RBFOX1: variants seen among roughly 807,000 people sequenced by gnomAD.
RBFOX1 encodes the protein RNA binding fox-1 homolog 1, also known as RNA binding protein fox-1 homolog 1.
A neutral mutation model predicts 57.7 loss-of-function variants in RBFOX1; 8 were observed. The observed-to-expected ratio is 0.14, with a 90% confidence interval of 0.08 to 0.25. The LOEUF is 0.25. Ranked by LOEUF, RBFOX1 falls within the 10% of genes least tolerant of loss-of-function variation. The probability of loss-of-function intolerance (pLI) is 1.00; values close to 1 mark genes in which losing one functional copy is unlikely to be tolerated. For missense variants in RBFOX1, 611 were observed against 548.5 expected (o/e 1.11, Z -1.14); for synonymous variants, 326 against 222.4 (o/e 1.47, Z -4.15).
intron 3 of RBFOX1, among the ~76,000 whole-genome samples, chr16:6,887,911 C>T (rs1172384021): frequency 2.6e-5 from 4 of 152,148 alleles, no homozygotes; most frequent in Non-Finnish European, 5.9e-5. Flanking sequence ...ATCCACCCGT[C>T]ATGGCCTCCC....
intron 1 of RBFOX1, among the ~76,000 whole-genome samples, chr16:5,363,513 C>T (rs2065613542): frequency 6.6e-6 from 1 of 152,186 alleles, no homozygotes; most frequent in Admixed American, 6.5e-5. Flanking sequence ...GGCTTCAGGA[C>T]TTCCAGGCAG....
chr16:6,834,604 T>A (rs1048646379), intron 3 of RBFOX1, among the ~76,000 whole-genome samples: 3 of 152,118 alleles, frequency 2.0e-5, no homozygotes, highest in African/African-American at 7.2e-5. Context: ...CTTGAAGGTG[T>A]TTGTTTGGGA....
intron 2 of RBFOX1, among the ~76,000 whole-genome samples, chr16:6,456,257 G>A (rs1558354): frequency 0.82 from 124,128 of 152,066 alleles, 50,779 homozygotes; most frequent in East Asian, 0.93. Context: ...AAAGAACATG[G>A]ATTAGTGTGT....
At chr16:7,320,362 G>A (rs989424858) in intron 4 of RBFOX1, among the ~76,000 whole-genome samples, 3 of 152,208 alleles carry the variant, frequency 2.0e-5, no homozygotes, top group South Asian at 2.1e-4. Flanking sequence ...GTTTACTCAG[G>A]TTAATGGCTT....
At chr16:6,939,073 C>G (rs956216165) in intron 3 of RBFOX1, among the ~76,000 whole-genome samples, 19 of 152,240 alleles carry the variant, frequency 1.2e-4, no homozygotes, top group Non-Finnish European at 1.3e-4. Context: ...GGGGTTTGTT[C>G]TTTTCCTGTC....
intron 11 of RBFOX1, among the ~76,000 whole-genome samples, chr16:7,641,039 C>T (rs1654954248): frequency 6.6e-6 from 1 of 152,044 alleles, no homozygotes; most frequent in South Asian, 2.1e-4. Flanking sequence ...TGCACATTCC[C>T]AAGGGCCCCA....
chr16:7,504,081 C>T (rs181320634), intron 4 of RBFOX1, among the ~76,000 whole-genome samples: 182 of 152,174 alleles, frequency 1.2e-3, no homozygotes, highest in African/African-American at 4.3e-3. Context: ...AAAAAATTAA[C>T]AATAATGGCA....
intron 1 of RBFOX1, among the ~76,000 whole-genome samples, chr16:5,382,545 C>T (rs496534): frequency 0.55 from 83,266 of 151,556 alleles, 23,172 homozygotes; most frequent in African/African-American, 0.6. Context: ...GCAAACAGGA[C>T]TCACCTCCTC....
chr16:7,269,479 GCAGA>G (rs941957674), intron 4 of RBFOX1, among the ~76,000 whole-genome samples: 104 of 152,010 alleles, frequency 6.8e-4, no homozygotes, highest in African/African-American at 2.4e-3. Context: ...AGAGAGAGAG[GCAGA>G]CAGAGGAAAA....
chr16:6,766,155 A>G (rs577451938), intron 3 of RBFOX1, among the ~76,000 whole-genome samples: 6 of 152,300 alleles, frequency 3.9e-5, no homozygotes, highest in African/African-American at 1.4e-4. Context: ...TTAAAAAGAA[A>G]AAAAAGCAAA....
chr16:6,410,866 C>G (rs1221043678), intron 2 of RBFOX1, among the ~76,000 whole-genome samples: 1 of 152,160 alleles, frequency 6.6e-6, no homozygotes. Context: ...CACTTAGCCC[C>G]TCTGAGCTTC....
At position 7,426,119 on chromosome 16, in the gene RBFOX1, C is replaced by T. The variant is rs1028639989; in HGVS notation, c.28-92028C>T. On this transcript the variant is annotated intron_variant, in intron 4 of 15. Transcript: ENST00000550418. Reference sequence around the variant, plus strand: ...CATTTTAATATACTCAGGAAAAAGCCAGCGTGCAGGCTCTTGGCCCACCCT... The same window carrying T: ...CATTTTAATATACTCAGGAAAAAGCTAGCGTGCAGGCTCTTGGCCCACCCT... Among the ~76,000 whole-genome samples, 2 of 152,200 alleles carry T rather than the reference C, an allele frequency of 1.3e-5. 1 individual carries two copies. The highest frequency in any genetic ancestry group is 2.9e-5 in the Non-Finnish European group (2 of 68,048).
At chr16:5,954,142 A>G (rs2059577657) in intron 4 of RBFOX1, among the ~76,000 whole-genome samples, 1 of 152,024 alleles carries the variant, frequency 6.6e-6, no homozygotes, top group Non-Finnish European at 1.5e-5. Flanking sequence ...GAGGTTGAGA[A>G]CCTCTTCCCT....
At position 5,665,336 on chromosome 16, in the gene RBFOX1, T is replaced by G. The variant is rs545619005; in HGVS notation, c.318+66375T>G. 9.2e-5 allele frequency among the ~76,000 whole-genome samples: 14 copies of G among 152,242 alleles called. No homozygotes were observed. The South Asian group carries it at 2.5e-3, about 27-fold the overall frequency. ...TCTTGCTTTCCAAGTGTCTGGCTCC[T>G]TTTCCTCCTCCAGGTTTGGCTTTAA... On this transcript the variant is annotated intron_variant, in intron 3 of 19. Coordinates refer to the RBFOX1 transcript ENST00000641259.
intron 3 of RBFOX1, among the ~76,000 whole-genome samples, chr16:5,635,577 GC>G (rs1447584976): frequency 2.0e-5 from 3 of 152,226 alleles, no homozygotes; most frequent in Non-Finnish European, 4.4e-5. Flanking sequence ...ATGTAAATAA[GC>G]GTTTTAGCCT....
intron 3 of RBFOX1, among the ~76,000 whole-genome samples, chr16:5,658,849 G>GTA (rs888669651): frequency 6.8e-6 from 1 of 147,650 alleles, no homozygotes; most frequent in South Asian, 2.1e-4. Flanking sequence ...TATAATATAT[G>GTA]TATATATATG....
At chr16:6,582,573 T>C (rs1051418759) in intron 2 of RBFOX1, among the ~76,000 whole-genome samples, 2 of 151,984 alleles carry the variant, frequency 1.3e-5, no homozygotes, top group Non-Finnish European at 2.9e-5. Context: ...GCCTCCTCAA[T>C]GAAAGGTTAA....
chr16:7,223,793 T>C (rs1051681163), intron 4 of RBFOX1, among the ~76,000 whole-genome samples: 4 of 148,564 alleles, frequency 2.7e-5, no homozygotes, highest in Non-Finnish European at 5.9e-5. Context: ...TTCTGTCTGA[T>C]AGAAATGGGA....
intron 2 of RBFOX1, among the ~76,000 whole-genome samples, chr16:6,501,134 T>C (rs1395555050): frequency 6.8e-6 from 1 of 147,370 alleles, no homozygotes; most frequent in Non-Finnish European, 1.5e-5. Flanking sequence ...AAACATTCTT[T>C]TTTTTTTTTT....
Sources: gnomAD v4.1 joint callset for allele counts (sites outside exome capture counted in the v4.1 genomes callset) on GRCh38, gnomAD v4.1.1 for gene constraint, MANE v1.5 for transcripts, NCBI Gene and HGNC (gene_info 2026-07-23, HGNC 2026-07-21) for gene names.